Variants in ARFGEF2 observed in about 807,000 individuals in gnomAD.
ARFGEF2 encodes brefeldin A-inhibited guanine nucleotide-exchange protein 2.
A neutral mutation model predicts 219.9 loss-of-function variants in ARFGEF2; 74 were observed. The observed-to-expected ratio is 0.34, with a 90% CI of 0.28 to 0.41. ARFGEF2 has a LOEUF of 0.41. ARFGEF2 is among the 10% of genes least tolerant of loss of function. The pLI is 1.00. For synonymous variants in ARFGEF2, 733 were observed against 799.2 expected, an observed-to-expected ratio of 0.92 and a Z score of 1.40; for missense variants, 1,743 against 2,218.3, an observed-to-expected ratio of 0.79 and a Z score of 4.30.
At chr20:49,014,057 G>A in intron 30 of ARFGEF2, 97 bp downstream of exon 30, 3 of 1,521,132 alleles carry the variant, frequency 2.0e-6, no homozygotes, top group Non-Finnish European at 2.7e-6. Context: ...TCTACCCAGA[G>A]TTCTTAAATA....
rs769030991 is a variant in ARFGEF2 at position 49,023,097 on chromosome 20, G to C, written c.4671G>C (p.Leu1557Phe). Reference sequence around the variant, plus strand: ...TCCTCATCAAGTGTGTGGTCCAGTTGGAATTGATACAGACCATTGACAACA... The same window carrying C: ...TCCTCATCAAGTGTGTGGTCCAGTTCGAATTGATACAGACCATTGACAACA... Reference protein sequence around the residue: ...ASLLIKCVVQLELIQTIDNIV... With the variant: ...ASLLIKCVVQFELIQTIDNIV... Residue 1557 changes from leucine (L) to phenylalanine (F), a missense_variant, in exon 35 of 39, where the codon TTG becomes TTC. Physicochemically the swap from Leu to Phe is conservative, Grantham distance 22. This residue lies in a region of ARFGEF2 where 578 missense variants were observed against 664.0 expected (regional missense o/e 0.87). Transcript: ENST00000371917. 2 of 1,614,178 alleles carry C rather than the reference G, an allele frequency of 1.2e-6. No homozygotes were observed. The highest frequency in any genetic ancestry group is 3.3e-5 in the Admixed American group (2 of 60,014).
At chr20:49,017,460 A>C in intron 32 of ARFGEF2, 36 bp from the exon 33 acceptor site, 2 of 1,606,936 alleles carry the variant, frequency 1.2e-6, no homozygotes, top group Non-Finnish European at 1.7e-6. Flanking sequence ...ATTGCCTTTC[A>C]CATTGATTAT....
At position 48,953,700 on chromosome 20, in the gene ARFGEF2, T is replaced by A; in HGVS notation, c.748T>A (p.Leu250Ile). The part of the protein sequence containing the change: ...SKPTTPEKTD[L>I]TNGEHARSDS... ...ACCAACAACTCCCGAAAAAACAGAT[T>A]TAACCAACGGTGAACATGCCAGGAG... Residue 250 changes from leucine (L) to isoleucine (I), a missense_variant, in exon 6 of 39, where the codon TTA becomes ATA. Transcript: ENST00000371917. 3 of 1,614,060 alleles carry A rather than the reference T, an allele frequency of 1.9e-6. No individual in the cohort carries two copies. Among genetic ancestry groups the A allele is most frequent in the Non-Finnish European group, 2.5e-6 (3 of 1,180,002 alleles).
chr20:48,971,380 T>G, intron 10 of ARFGEF2, 26 bp downstream of exon 10: 1 of 1,523,066 alleles, frequency 6.6e-7, no homozygotes, highest in Non-Finnish European at 9.1e-7. Flanking sequence ...TTTTTTCATT[T>G]CATTATTTAC....
rs776650205 is a variant in ARFGEF2, at chr20:48,971,102, T to C, written c.1191-18T>C. On this transcript the variant is annotated intron_variant, in intron 9 of 38. Transcript: ENST00000371917. The stretch of plus-strand genomic sequence containing the variant: ...TTTTTCTTTTAGCACTGTTGTGGTT[T>C]TTCATTTTCTTTGCCAGATCCCATG... 3 of 1,611,380 alleles carry C rather than the reference T, an allele frequency of 1.9e-6. No homozygotes were observed. The highest frequency in any genetic ancestry group is 2.5e-6 in the Non-Finnish European group (3 of 1,177,446).
At chr20:49,013,496 A>G (rs1419906342) in intron 28 of ARFGEF2, 68 bp from the exon 29 acceptor site, 30 of 1,604,716 alleles carry the variant, frequency 1.9e-5, no homozygotes, top group Non-Finnish European at 2.3e-5. Flanking sequence ...TAATCTGCAT[A>G]TAGTTCCCTT....
chr20:49,013,134 A>C (rs2091510715), intron 28 of ARFGEF2, among the ~76,000 whole-genome samples: 1 of 152,218 alleles, frequency 6.6e-6, no homozygotes, highest in South Asian at 2.1e-4. Flanking sequence ...CCATGAAAAG[A>C]ACTTTAACAG....
At chr20:48,952,567 A>G in intron 4 of ARFGEF2, 138 bp from the exon 5 acceptor site, 1 of 815,154 alleles carries the variant, frequency 1.2e-6, no homozygotes, top group Admixed American at 2.1e-5. Flanking sequence ...TTTAATTTGC[A>G]GAGCCATCTT....
intron 25 of ARFGEF2, among the ~76,000 whole-genome samples, chr20:49,002,252 A>G (rs2091429883): frequency 6.6e-6 from 1 of 152,202 alleles, no homozygotes; most frequent in Non-Finnish European, 1.5e-5. Flanking sequence ...TAAAATAAAT[A>G]AAATAAGATT....
At chr20:48,945,346 G>T (rs150370717) in intron 3 of ARFGEF2, among the ~76,000 whole-genome samples, 1 of 152,302 alleles carries the variant, frequency 6.6e-6, no homozygotes, top group East Asian at 1.9e-4. Context: ...GACCCGCAGA[G>T]CCTAAACATT....
intron 5 of ARFGEF2, 48 bp from the exon 6 acceptor site, chr20:48,953,508 T>C: frequency 6.3e-7 from 1 of 1,579,872 alleles, no homozygotes; most frequent in Admixed American, 1.7e-5. Context: ...GCTGGCATAA[T>C]TTTTCTTCCT....
chr20:48,924,812 C>A (rs2090866603), intron 1 of ARFGEF2, among the ~76,000 whole-genome samples: 1 of 152,180 alleles, frequency 6.6e-6, no homozygotes, highest in South Asian at 2.1e-4. Context: ...AACCTCCTGC[C>A]TTCCACTTGC....
chr20:49,002,449 C>T (rs900738840), intron 25 of ARFGEF2, among the ~76,000 whole-genome samples: 4 of 152,090 alleles, frequency 2.6e-5, no homozygotes, highest in Non-Finnish European at 5.9e-5. Context: ...CTACTCTGTG[C>T]CCCTAGGAAC....
chr20:48,928,639 C>T lies in ARFGEF2; in HGVS notation c.121+6629C>T, dbSNP rs188399744. On this transcript the variant is annotated intron_variant, in intron 1 of 38. Coordinates refer to ENST00000371917, the MANE Select transcript of ARFGEF2 (RefSeq NM_006420.3). Reference sequence around the variant, plus strand: ...CCTCCCAAGTAGCTGGGACCACAGGCGCCCGCCACCACACCCAGCTAATTT... The same window carrying T: ...CCTCCCAAGTAGCTGGGACCACAGGTGCCCGCCACCACACCCAGCTAATTT... Among the ~76,000 whole-genome samples the T allele has an allele frequency of 2.8e-3, 414 of 150,508 alleles. 2 individuals carry two copies. Among genetic ancestry groups the T allele is most frequent in the Middle Eastern group, 0.014 (4 of 292 alleles).
intron 21 of ARFGEF2, among the ~76,000 whole-genome samples, chr20:48,991,583 AGC>A (rs1406796935): frequency 1.3e-5 from 2 of 151,894 alleles, no homozygotes; most frequent in Admixed American, 1.3e-4. Context: ...AGTCACAATG[AGC>A]TGTTAGGGAG....
In ARFGEF2 at chr20:48,976,088, C is replaced by T. The variant is rs748386696; in HGVS notation, c.1847C>T (p.Thr616Met). 5.0e-6 allele frequency: 8 copies of T among 1,613,434 alleles called. No homozygotes were observed. The South Asian group carries it at 5.5e-5, about 11-fold the overall frequency. The change falls in exon 14 of 39, where the codon ACG (threonine) becomes ATG (methionine). Residue 616 changes from threonine to methionine, a missense_variant. Thr to Met is a moderately conservative substitution (Grantham distance 81). Coordinates refer to ENST00000371917, the MANE Select transcript of ARFGEF2 (RefSeq NM_006420.3). ...GLDMARRCSVTSMESTVSSGT... is the reference protein window; with the variant it reads ...GLDMARRCSVMSMESTVSSGT... ...GACATGGCAAGACGGTGTAGTGTGA[C>T]GTCCATGGAGTCCACAGTGTCCTCG...
chr20:48,963,806 T>C, intron 6 of ARFGEF2, 24 bp from the exon 7 acceptor site: 1 of 1,611,004 alleles, frequency 6.2e-7, no homozygotes, highest in Non-Finnish European at 8.5e-7. Context: ...CACGTGTGTT[T>C]TGTATATTTG....
chr20:48,975,942 G>A (rs1236234301), intron 13 of ARFGEF2, 74 bp from the exon 14 acceptor site: 2 of 1,495,420 alleles, frequency 1.3e-6, no homozygotes. Context: ...AGGGAGCCGT[G>A]CAGCCAGACC....
intron 25 of ARFGEF2, chr20:48,999,248 A>G (rs1416649755): frequency 4.4e-6 from 2 of 454,006 alleles, no homozygotes; most frequent in Admixed American, 2.4e-5. Context: ...AGAAAAAAAA[A>G]TTAATAATTG....
Sources: allele counts gnomAD v4.1 joint callset (sites outside exome capture counted in the v4.1 genomes callset), GRCh38; gene constraint gnomAD v4.1.1; regional missense constraint gnomAD v4.1.1; transcripts MANE v1.5; gene names NCBI Gene and HGNC (gene_info 2026-07-23, HGNC 2026-07-21).